The following SI variants were observed in gnomAD, a reference collection of about 807,000 sequenced individuals.
SI encodes sucrase-isomaltase, also known as sucrase-isomaltase, intestinal.
In SI, 235 loss-of-function variants were observed where a neutral mutation model predicts 253.3. That is an observed-to-expected ratio of 0.93 (90% CI 0.83 to 1.03). SI has a LOEUF of 1.03. SI is among the 50% of genes least tolerant of loss of function. SI has a pLI of 0.00. For synonymous variants in SI, 819 were observed against 712.0 expected (o/e 1.15, Z -2.39); for missense variants, 2,442 against 2,211.1 (o/e 1.10, Z -2.09).
Position 165,070,398 on chromosome 3 carries a change from A to G in SI, c.256-1203T>C, listed in dbSNP as rs1055832669. The stretch of plus-strand genomic sequence containing the variant: ...TGTGTGTGTTTGAGTATGTATTTAT[A>G]TATTTATACCCAAACACACATATAC... On this transcript the variant is annotated intron_variant, in intron 3 of 47. Coordinates refer to ENST00000264382, the MANE Select transcript of SI (RefSeq NM_001041.4). 4.7e-5 allele frequency among the ~76,000 whole-genome samples: 7 copies of G among 147,598 alleles called. No individual in the cohort carries two copies. In the East Asian group the frequency reaches 1.4e-3, roughly 29 times the overall value.
chr3:165,032,141 C>A (rs1428283408), intron 24 of SI, among the ~76,000 whole-genome samples: 1 of 151,126 alleles, frequency 6.6e-6, no homozygotes. Flanking sequence ...TGAACAAAAC[C>A]AATTTGTTAA....
chr3:165,031,459 C>T (rs1445060416), intron 24 of SI, among the ~76,000 whole-genome samples: 1 of 149,062 alleles, frequency 6.7e-6, no homozygotes, highest in Non-Finnish European at 1.5e-5. Flanking sequence ...TTATTATTCC[C>T]TCTTTTAATC....
At chr3:165,036,166 C>T (rs1056760233) in intron 22 of SI, among the ~76,000 whole-genome samples, 8 of 151,506 alleles carry the variant, frequency 5.3e-5, no homozygotes, top group African/African-American at 1.9e-4. Context: ...CAAAGACTTA[C>T]AACAAACAAA....
intron 34 of SI, among the ~76,000 whole-genome samples, chr3:165,011,769 TATTA>T (rs1045398434): frequency 2.7e-5 from 4 of 148,682 alleles, no homozygotes; most frequent in Non-Finnish European, 5.9e-5. Flanking sequence ...ATTATTTATT[TATTA>T]TTTATTATTA....
chr3:165,005,306 G>C (rs1456064150), intron 37 of SI, among the ~76,000 whole-genome samples: 4 of 151,992 alleles, frequency 2.6e-5, no homozygotes, highest in Admixed American at 2.6e-4. Flanking sequence ...CAGGATGATA[G>C]TCAATAATAG....
At chr3:165,006,677 A>G (rs1718524602) in intron 37 of SI, 139 bp downstream of exon 37, 2 of 679,004 alleles carry the variant, frequency 2.9e-6, no homozygotes, top group Non-Finnish European at 5.1e-6. Context: ...TCTAAATGCT[A>G]TGAAGGAAGA....
Position 165,076,017 on chromosome 3 carries a change from A to C in SI, c.1-5T>G, listed in dbSNP as rs755969209. The C allele has an allele frequency of 6.5e-7, 1 of 1,546,250 alleles. No individual in the cohort carries two copies. The highest frequency in any genetic ancestry group is 8.9e-7 in the Non-Finnish European group (1 of 1,124,926). Reference sequence around the variant, plus strand: ...ACTAAATTTCTTTCTTGCCATCTAAAAACAGAAAAGAATATATATTTAAAA... The same window carrying C: ...ACTAAATTTCTTTCTTGCCATCTAACAACAGAAAAGAATATATATTTAAAA... On this transcript the variant is annotated splice_region_variant and splice_polypyrimidine_tract_variant and intron_variant, in intron 1 of 47. Coordinates refer to ENST00000264382, the MANE Select transcript of SI (RefSeq NM_001041.4).
intron 25 of SI, among the ~76,000 whole-genome samples, chr3:165,028,270 A>T (rs1712030749): frequency 6.6e-6 from 1 of 151,528 alleles, no homozygotes. Flanking sequence ...GGAAAACTAC[A>T]AACACTACTG....
rs571057920 is a variant in SI, at chr3:165,041,026, A to T, written c.2073T>A (p.Ile691=). 6.2e-7 allele frequency: 1 copy of T among 1,612,624 alleles called. No individual in the cohort carries two copies. The highest frequency in any genetic ancestry group is 1.7e-5 in the Admixed American group (1 of 59,934). Residue 691 remains isoleucine (I), a synonymous_variant, in exon 18 of 48, where the codon ATT becomes ATA. Transcript: ENST00000264382. ...LVKSSRQYLT[I]RYTLLPFLYT... ...AGAGGAAGGGTAATAAGGTGTAGCG[A>T]ATAGTTAAATACTGCCTTGATGATT...
At chr3:165,049,309 T>A in intron 14 of SI, 65 bp from the exon 15 acceptor site, 3 of 875,284 alleles carry the variant, frequency 3.4e-6, no homozygotes, top group African/African-American at 1.7e-5. Context: ...ATATTTTCCA[T>A]CATAAATGTC....
intron 25 of SI, among the ~76,000 whole-genome samples, chr3:165,025,102 G>A (rs551334057): frequency 2.6e-5 from 4 of 151,072 alleles, no homozygotes; most frequent in South Asian, 4.1e-4. Flanking sequence ...TTCCTCCTTG[G>A]CTAAAGTTTG....
chr3:165,004,172 C>G (rs1718390947), intron 37 of SI, among the ~76,000 whole-genome samples: 1 of 152,068 alleles, frequency 6.6e-6, no homozygotes, highest in South Asian at 2.1e-4. Flanking sequence ...AGAAGACATA[C>G]AAATGGCAAT....
Position 165,006,638 on chromosome 3 carries a change from ATAAAT to A in SI, c.4406+173_4406+177del, listed in dbSNP as rs1336625732. Among the ~76,000 whole-genome samples the A allele has an allele frequency of 5.3e-5, 8 of 152,324 alleles. No individual in the cohort carries two copies. The South Asian group carries it at 1.0e-3, about 20-fold the overall frequency. ...GAATAATAACAATAAAGATATTTAGATAAATTAGATAGAAAGAAACACATTTTTTC... is the reference window on the plus strand; with the variant it reads ...GAATAATAACAATAAAGATATTTAGATAGATAGAAAGAAACACATTTTTTC... On this transcript the variant is annotated intron_variant, in intron 37 of 47. Transcript: ENST00000264382.
In SI at chr3:165,059,195, G is replaced by T. The variant is rs777221437; in HGVS notation, c.1251C>A (p.Asp417Glu). 2.5e-6 allele frequency: 4 copies of T among 1,612,492 alleles called. No individual in the cohort carries two copies. Among genetic ancestry groups the T allele is most frequent in the African/African-American group, 2.7e-5 (2 of 74,814 alleles). Residue 417 changes from aspartate to glutamate, a missense_variant, in exon 11 of 48, where the codon GAC (aspartate) becomes GAA (glutamate). Physicochemically the swap from Asp to Glu is conservative, Grantham distance 45. Transcript: ENST00000264382. ...GLPQFVQDLH[D>E]HGQKYVIILD... ...AGATGATGACATATTTCTGTCCATG[G>T]TCATGCAAATCTTGCACAAATTGAG...
At position 164,979,335 on chromosome 3, in the gene SI, A is replaced by G. The variant is rs372456052; in HGVS notation, c.*27T>C. 4.2e-6 allele frequency: 6 copies of G among 1,414,854 alleles called. No individual in the cohort carries two copies. The highest frequency in any genetic ancestry group is 2.8e-5 in the African/African-American group (2 of 70,824). The allele number at this position is 1,414,854 out of a possible 1,614,324, so 87.6% of individuals were successfully genotyped here. Reference sequence around the variant, plus strand: ...AACTTAAATCCTGGTGTTTTTTCCCATTGACAACTAAAATTGATGGTGATC... The same window carrying G: ...AACTTAAATCCTGGTGTTTTTTCCCGTTGACAACTAAAATTGATGGTGATC... On this transcript the variant is annotated 3_prime_UTR_variant, in exon 48 of 48. Transcript: ENST00000264382.
At chr3:165,089,669 T>C in the SI span, among the ~76,000 whole-genome samples, 1 of 152,102 alleles carries the variant, frequency 6.6e-6, no homozygotes, top group Non-Finnish European at 1.5e-5. Flanking sequence ...TCAGCACCGC[T>C]TAGCTGGGTG....
chr3:165,058,214 A>G (rs1459733600), intron 12 of SI, among the ~76,000 whole-genome samples: 1 of 151,986 alleles, frequency 6.6e-6, no homozygotes, highest in Non-Finnish European at 1.5e-5. Flanking sequence ...AATTTAGGAA[A>G]AAATTTACAA....
intron 44 of SI, among the ~76,000 whole-genome samples, chr3:164,990,825 C>G (rs1453610095): frequency 6.6e-6 from 1 of 151,692 alleles, no homozygotes; most frequent in Non-Finnish European, 1.5e-5. Flanking sequence ...GTGCAGCACA[C>G]CAACATGGCA....
chr3:165,026,953 G>C (rs1357729166), intron 25 of SI, among the ~76,000 whole-genome samples: 1 of 151,126 alleles, frequency 6.6e-6, no homozygotes, highest in Non-Finnish European at 1.5e-5. Context: ...CTCAGAAGAA[G>C]AAAGGAAATA....
Sources: allele counts gnomAD v4.1 joint callset (sites outside exome capture counted in the v4.1 genomes callset), GRCh38; gene constraint gnomAD v4.1.1; transcripts MANE v1.5; gene names NCBI Gene and HGNC (gene_info 2026-07-23, HGNC 2026-07-21).